The following CRISPLD1 variants were observed in gnomAD, a reference collection of about 807,000 sequenced individuals.
The protein encoded by CRISPLD1 is cysteine-rich secretory protein LCCL domain-containing 1.
CRISPLD1 carries 60 observed loss-of-function variants against 77.5 expected under a neutral mutation model. That is an observed-to-expected ratio of 0.77 (90% CI 0.63 to 0.96). The LOEUF is 0.96. CRISPLD1 is among the 40% of genes least tolerant of loss of function. CRISPLD1 has a pLI of 0.00. For synonymous variants in CRISPLD1, 195 were observed against 200.1 expected, an observed-to-expected ratio of 0.97 and a Z score of 0.22; for missense variants, 623 against 615.8, an observed-to-expected ratio of 1.01 and a Z score of -0.12.
chr8:75,019,914 G>A lies in CRISPLD1; in HGVS notation c.1171+1G>A. 3 of 1,612,732 alleles carry A rather than the reference G, an allele frequency of 1.9e-6. No individual in the cohort carries two copies. Among genetic ancestry groups the A allele is most frequent in the South Asian group, 2.2e-5 (2 of 91,032 alleles). On this transcript the variant is annotated splice_donor_variant, in intron 11 of 14. Coordinates refer to ENST00000262207, the MANE Select transcript of CRISPLD1 (RefSeq NM_031461.6). LOFTEE classifies it high-confidence loss of function. Reference sequence around the variant, plus strand: ...TCCTTCACAGTCTCTAAAGTAACAGGTTAGCACATTCTTCATCTTATTTTC... The same window carrying A: ...TCCTTCACAGTCTCTAAAGTAACAGATTAGCACATTCTTCATCTTATTTTC...
chr8:75,007,687 T>TTTTTTC (rs1812857797), intron 2 of CRISPLD1, among the ~76,000 whole-genome samples: 1 of 145,216 alleles, frequency 6.9e-6, no homozygotes, highest in Non-Finnish European at 1.5e-5. Context: ...TTTTTTTTTT[T>TTTTTTC]AAAGAGACAA....
intron 2 of CRISPLD1, among the ~76,000 whole-genome samples, chr8:74,999,151 A>G (rs1812694479): frequency 6.6e-6 from 1 of 152,104 alleles, no homozygotes; most frequent in African/African-American, 2.4e-5. Flanking sequence ...TGATCTGGCA[A>G]AGGTTACTTT....
chr8:75,008,857 A>C (rs1812880479), intron 2 of CRISPLD1, among the ~76,000 whole-genome samples: 1 of 152,164 alleles, frequency 6.6e-6, no homozygotes, highest in African/African-American at 2.4e-5. Flanking sequence ...CAAATTTACA[A>C]ATAAGAAAAA....
chr8:75,026,580 T>C (rs1217581584), intron 13 of CRISPLD1: 1 of 152,160 alleles, frequency 6.6e-6, no homozygotes, highest in Non-Finnish European at 1.5e-5. Flanking sequence ...GTAGACAAAG[T>C]CTGAAAGTGC....
At chr8:74,992,320 A>G (rs1305564659) in intron 2 of CRISPLD1, among the ~76,000 whole-genome samples, 1 of 152,088 alleles carries the variant, frequency 6.6e-6, no homozygotes, top group Non-Finnish European at 1.5e-5. Context: ...AGTTTTTCAA[A>G]TTTTCATGAG....
At chr8:75,013,683 T>C (rs903015925) in intron 4 of CRISPLD1, among the ~76,000 whole-genome samples, 1 of 152,192 alleles carries the variant, frequency 6.6e-6, no homozygotes, top group Non-Finnish European at 1.5e-5. Context: ...AGTTTCTTCA[T>C]AGAAATGTTA....
chr8:75,029,369 G>T lies in CRISPLD1; in HGVS notation c.1321-18G>T. The T allele has an allele frequency of 1.9e-6, 3 of 1,604,070 alleles. No individual in the cohort carries two copies. Among genetic ancestry groups the T allele is most frequent in the Non-Finnish European group, 2.6e-6 (3 of 1,176,446 alleles). ...CAGGAATTTCCAATAATGGCAGTTT[G>T]TTTCTTTACCTTCTCAGCTGTCCAG... On this transcript the variant is annotated intron_variant, in intron 13 of 14. Transcript: ENST00000262207.
At chr8:74,986,696 A>G (rs1812503429) in intron 2 of CRISPLD1, among the ~76,000 whole-genome samples, 1 of 152,186 alleles carries the variant, frequency 6.6e-6, no homozygotes, top group Admixed American at 6.5e-5. Context: ...TAAACATGTA[A>G]ATGACATTGT....
intron 2 of CRISPLD1, among the ~76,000 whole-genome samples, chr8:75,009,969 G>C (rs1812900374): frequency 6.6e-6 from 1 of 152,052 alleles, no homozygotes; most frequent in Admixed American, 6.6e-5. Context: ...CAAATAAAGT[G>C]CTTACCTGAT....
In CRISPLD1 at chr8:75,025,534, T is replaced by C. The variant is rs1359682149; in HGVS notation, c.1245-12T>C. ...CTTACTTAATATATATATAATATAT[T>C]ATTTTTTTCAGAGTATACTGTCCTC... On this transcript the variant is annotated splice_polypyrimidine_tract_variant and intron_variant, in intron 12 of 14. Transcript: ENST00000262207. 8.9e-6 allele frequency: 12 copies of C among 1,342,798 alleles called. No homozygotes were observed. The Middle Eastern group carries it at 7.1e-4, about 79-fold the overall frequency. 83.2% of individuals were successfully genotyped at this position (1,342,798 alleles called of 1,614,324 possible). A position where few individuals can be genotyped will look rare whatever the true frequency, so the allele number is the denominator to read the frequency against.
chr8:75,016,700 A>G lies in CRISPLD1; in HGVS notation c.863A>G (p.Gln288Arg). 1 of 1,611,960 alleles carries G rather than the reference A, an allele frequency of 6.2e-7. No individual in the cohort carries two copies. Among genetic ancestry groups the G allele is most frequent in the Admixed American group, 1.7e-5 (1 of 59,742 alleles). The change falls in exon 7 of 15, where the codon CAA becomes CGA. Residue 288 changes from glutamine to arginine, a missense_variant. Physicochemically the swap from Gln to Arg is conservative, Grantham distance 43 (BLOSUM62 1). Transcript: ENST00000262207. Reference sequence around the variant, plus strand: ...AGAAATGAAGTCATAAGCGCACAGCAAATGTGTAAGACCTCCATATTACTT... The same window carrying G: ...AGAAATGAAGTCATAAGCGCACAGCGAATGTGTAAGACCTCCATATTACTT... The part of the protein sequence containing the change: ...SSRNEVISAQ[Q>R]MSQIVSCEVR...
intron 13 of CRISPLD1, chr8:75,026,786 T>C (rs1813243231): frequency 2.6e-5 from 4 of 152,190 alleles, no homozygotes; most frequent in Admixed American, 2.6e-4. Flanking sequence ...CTTACCAAGA[T>C]TTTTTTCAGT....
At position 75,021,364 on chromosome 8, in the gene CRISPLD1, C is replaced by G. The variant is rs143562846; in HGVS notation, c.1244+1285C>G. Among the ~76,000 whole-genome samples the G allele has an allele frequency of 3.0e-4, 46 of 152,214 alleles. No individual in the cohort carries two copies. The South Asian group carries it at 4.8e-3, about 16-fold the overall frequency. ...GTCCTCACATACAAATAGCCTGTTT[C>G]CTTTCAAATCATTTGTCTCTACTAA... On this transcript the variant is annotated intron_variant, in intron 12 of 14. Coordinates refer to ENST00000262207, the MANE Select transcript of CRISPLD1 (RefSeq NM_031461.6).
chr8:75,030,401 C>T (rs1435224836), intron 14 of CRISPLD1, among the ~76,000 whole-genome samples: 2 of 151,934 alleles, frequency 1.3e-5, no homozygotes, highest in East Asian at 3.9e-4. Context: ...TGCTCATGGC[C>T]TCCTTAAACA....
Position 75,016,597 on chromosome 8 carries a change from G to A in CRISPLD1, c.760G>A (p.Glu254Lys), listed in dbSNP as rs1319002690. Residue 254 changes from glutamate (E) to lysine (K), a missense_variant, in exon 7 of 15, where the codon GAG (glutamate) becomes AAG (lysine). By Grantham distance (56) the Glu-to-Lys change is moderately conservative. Transcript: ENST00000262207. ...GSDRYYPPREEETNEIERQQS... is the reference protein window; with the variant it reads ...GSDRYYPPREKETNEIERQQS... ...AGACAGGTATTATCCCCCTCGAGAA[G>A]AGGAAACAAATGAAATAGAACGACA... 1 of 1,613,318 alleles carries A rather than the reference G, an allele frequency of 6.2e-7. No individual in the cohort carries two copies. The highest frequency in any genetic ancestry group is 1.3e-5 in the African/African-American group (1 of 75,010).
Position 75,034,192 on chromosome 8 carries a change from T to C in CRISPLD1, c.*1950T>C, listed in dbSNP as rs1813405942. On this transcript the variant is annotated 3_prime_UTR_variant, in exon 15 of 15. Coordinates refer to ENST00000262207, the MANE Select transcript of CRISPLD1 (RefSeq NM_031461.6). ...AAACCAAACATTCTTGTAAAAACAT[T>C]TAAGAACTTCCATAGTCTTGTTCAT... is the stretch of plus-strand genomic sequence containing the variant. 1 of 152,080 alleles carries C rather than the reference T, an allele frequency of 6.6e-6. No homozygotes were observed. The highest frequency in any genetic ancestry group is 1.5e-5 in the Non-Finnish European group (1 of 67,940). 9.4% of individuals were successfully genotyped at this position (152,080 alleles called of 1,614,324 possible). A position where few individuals can be genotyped will look rare whatever the true frequency, so the allele number is the denominator to read the frequency against.
intron 2 of CRISPLD1, among the ~76,000 whole-genome samples, chr8:74,991,706 T>G (rs2128780972): frequency 6.6e-6 from 1 of 152,250 alleles, no homozygotes; most frequent in African/African-American, 2.4e-5. Context: ...AATTTTTTAT[T>G]TTTAGTAAAG....
chr8:75,004,096 G>A (rs775921949), intron 2 of CRISPLD1, among the ~76,000 whole-genome samples: 2 of 152,090 alleles, frequency 1.3e-5, no homozygotes, highest in Non-Finnish European at 2.9e-5. Context: ...TAGATTTTAA[G>A]TGAAACACTA....
chr8:75,006,775 T>C (rs953449835), intron 2 of CRISPLD1, among the ~76,000 whole-genome samples: 2 of 152,118 alleles, frequency 1.3e-5, no homozygotes, highest in African/African-American at 2.4e-5. Flanking sequence ...GTCTCTGTGG[T>C]AGACTAATTA....
Sources: gnomAD v4.1 joint callset for allele counts (sites outside exome capture counted in the v4.1 genomes callset) on GRCh38, gnomAD v4.1.1 for gene constraint, MANE v1.5 for transcripts, NCBI Gene and HGNC (gene_info 2026-07-23, HGNC 2026-07-21) for gene names.